The following ADARB2 variants were observed in gnomAD, a reference collection of about 807,000 sequenced individuals.
ADARB2 encodes inactive double-stranded RNA-specific editase B2.
Under a neutral mutation model 62.2 loss-of-function variants are expected in ADARB2, and 25 were observed. The ratio of observed to expected loss-of-function variants is 0.40; its 90% CI spans 0.29 to 0.56. ADARB2 has a LOEUF of 0.56. Among genes scored for constraint, ADARB2 ranks in the 20% least tolerant of loss-of-function variants. The pLI, the probability that ADARB2 is intolerant of heterozygous loss-of-function variation, is 0.43. For missense variants in ADARB2, 1,071 were observed against 1,077.4 expected, an observed-to-expected ratio of 0.99 and a Z score of 0.08; for synonymous variants, 572 against 500.8, an observed-to-expected ratio of 1.14 and a Z score of -1.90.
Position 1,737,143 on chromosome 10 carries a change from G to A in ADARB2, c.8C>T (p.Ser3Leu), listed in dbSNP as rs1271563943. 4 of 1,607,948 alleles carry A rather than the reference G, an allele frequency of 2.5e-6. No individual in the cohort carries two copies. Among genetic ancestry groups the A allele is most frequent in the East Asian group, 2.2e-5 (1 of 44,856 alleles). MA[S>L]VLGSGRGSGG... The stretch of plus-strand genomic sequence containing the variant: ...AGACCCTCTGCCGCTCCCCAGGACC[G>A]AGGCCATGGCCGAGACCCAGGCGCG... Residue 3 changes from serine to leucine, a missense_variant, in exon 1 of 10, where the codon TCG (serine) becomes TTG (leucine). Transcript: ENST00000381312.
At chr10:1,596,273 G>A (rs985050439) in intron 1 of ADARB2, among the ~76,000 whole-genome samples, 2 of 152,170 alleles carry the variant, frequency 1.3e-5, no homozygotes, top group African/African-American at 2.4e-5. Context: ...CATCATGATT[G>A]TTTTTCTTAT....
chr10:1,221,589 C>G (rs1362678925), intron 6 of ADARB2, among the ~76,000 whole-genome samples: 1 of 151,334 alleles, frequency 6.6e-6, no homozygotes, highest in Non-Finnish European at 1.5e-5. Flanking sequence ...CACCACAGTC[C>G]CCAGTGTGTG....
intron 4 of ADARB2, among the ~76,000 whole-genome samples, chr10:1,260,628 A>G (rs1298526959): frequency 6.6e-6 from 1 of 152,002 alleles, no homozygotes; most frequent in Non-Finnish European, 1.5e-5. Flanking sequence ...GAGAAATACA[A>G]ACCACTGATC....
At chr10:1,216,593 GC>G (rs573294676) in intron 7 of ADARB2, 249 of 275,086 alleles carry the variant, frequency 9.1e-4, no homozygotes, top group African/African-American at 5.3e-3. Flanking sequence ...GGGGAGGGAG[GC>G]CCTGGCTTCT....
At chr10:1,544,905 T>TACATATTA (rs1832495083) in intron 1 of ADARB2, among the ~76,000 whole-genome samples, 4 of 150,192 alleles carry the variant, frequency 2.7e-5, no homozygotes, top group African/African-American at 9.8e-5. Flanking sequence ...ATATAAAGTC[T>TACATATTA]ACATATTAGG....
At chr10:1,492,485 G>C (rs61831890) in intron 1 of ADARB2, among the ~76,000 whole-genome samples, 1 of 151,954 alleles carries the variant, frequency 6.6e-6, no homozygotes. Context: ...CATCCCCTGC[G>C]GCCTTCAGAG....
At chr10:1,228,418 C>G (rs947183753) in intron 6 of ADARB2, among the ~76,000 whole-genome samples, 3 of 152,218 alleles carry the variant, frequency 2.0e-5, no homozygotes, top group Non-Finnish European at 4.4e-5. Context: ...TGGGCTCTTT[C>G]AGAACTGCCT....
intron 1 of ADARB2, among the ~76,000 whole-genome samples, chr10:1,399,911 C>T (rs1419218049): frequency 6.6e-6 from 1 of 152,200 alleles, no homozygotes; most frequent in African/African-American, 2.4e-5. Flanking sequence ...CCCAAGGAAG[C>T]CTTGCATTCT....
chr10:1,401,588 G>A (rs1832663088), intron 1 of ADARB2, among the ~76,000 whole-genome samples: 1 of 152,212 alleles, frequency 6.6e-6, no homozygotes, highest in African/African-American at 2.4e-5. Context: ...CTCGCATGCT[G>A]TGAAGACCGC....
chr10:1,263,882 ATTTTC>A (rs1178233287), intron 4 of ADARB2, among the ~76,000 whole-genome samples: 18 of 152,120 alleles, frequency 1.2e-4, no homozygotes, highest in Non-Finnish European at 1.5e-5. Context: ...CCAGTCATTG[ATTTTC>A]TTTTCCTCTC....
chr10:1,188,854 T>A (rs552584749), intron 8 of ADARB2, among the ~76,000 whole-genome samples: 1 of 152,340 alleles, frequency 6.6e-6, no homozygotes, highest in East Asian at 1.9e-4. Context: ...ATGGAACAGA[T>A]CCCTTATGGT....
At chr10:1,735,599 C>T (rs988494635) in intron 1 of ADARB2, among the ~76,000 whole-genome samples, 1 of 152,160 alleles carries the variant, frequency 6.6e-6, no homozygotes, top group Non-Finnish European at 1.5e-5. Context: ...ATATCAATGC[C>T]ACTTTGTGTT....
At chr10:1,186,844 C>T (rs1174622200) in intron 8 of ADARB2, among the ~76,000 whole-genome samples, 2 of 152,196 alleles carry the variant, frequency 1.3e-5, no homozygotes, top group African/African-American at 4.8e-5. Flanking sequence ...CGAGTGGGTT[C>T]CCGCCATAGC....
chr10:1,548,544 C>T (rs745723495), intron 1 of ADARB2, among the ~76,000 whole-genome samples: 16 of 152,296 alleles, frequency 1.1e-4, no homozygotes, highest in African/African-American at 2.6e-4. Context: ...AGTGAGATAT[C>T]GCAGCCAAGA....
At chr10:1,462,144 G>A (rs771777685) in intron 1 of ADARB2, among the ~76,000 whole-genome samples, 45 of 152,100 alleles carry the variant, frequency 3.0e-4, no homozygotes, top group Non-Finnish European at 6.2e-4. Context: ...TCCCCGCTCA[G>A]CCCTGCCCAC....
chr10:1,372,159 A>T (rs1832378224), intron 2 of ADARB2, among the ~76,000 whole-genome samples: 1 of 152,234 alleles, frequency 6.6e-6, no homozygotes, highest in Non-Finnish European at 1.5e-5. Context: ...TGTCCTTTGC[A>T]GCAACATGAA....
At chr10:1,528,641 G>C (rs1331575279) in intron 1 of ADARB2, among the ~76,000 whole-genome samples, 1 of 152,188 alleles carries the variant, frequency 6.6e-6, no homozygotes, top group Non-Finnish European at 1.5e-5. Flanking sequence ...CACCCCTCCT[G>C]TCATGCTGGT....
Position 1,584,029 on chromosome 10 carries a change from A to C in ADARB2, c.100+153022T>G, listed in dbSNP as rs116662940. Among the ~76,000 whole-genome samples the C allele has an allele frequency of 3.0e-3, 460 of 152,352 alleles. 3 individuals carry two copies. Among genetic ancestry groups the C allele is most frequent in the African/African-American group, 0.011 (441 of 41,578 alleles). On this transcript the variant is annotated intron_variant, in intron 1 of 9. Transcript: ENST00000381312. ...ACCTAAATGTAAAATGCAAAGCTATAAAACTCCTACAAGATGACATAGGAG... is the reference window on the plus strand; with the variant it reads ...ACCTAAATGTAAAATGCAAAGCTATCAAACTCCTACAAGATGACATAGGAG...
At chr10:1,210,245 T>C (rs776233458) in intron 7 of ADARB2, among the ~76,000 whole-genome samples, 5 of 152,242 alleles carry the variant, frequency 3.3e-5, no homozygotes, top group Non-Finnish European at 7.3e-5. Context: ...ACCTTAATGA[T>C]ACATACAATT....
Sources: allele counts gnomAD v4.1 joint callset (sites outside exome capture counted in the v4.1 genomes callset), GRCh38; gene constraint gnomAD v4.1.1; transcripts MANE v1.5; gene names NCBI Gene and HGNC (gene_info 2026-07-23, HGNC 2026-07-21).